The following KTN1 variants were observed in gnomAD, a reference collection of about 807,000 sequenced individuals.
The protein encoded by KTN1 is kinectin.
Under a neutral mutation model 222.5 loss-of-function variants are expected in KTN1, and 130 were observed. That is an observed-to-expected ratio of 0.58 (90% CI 0.51 to 0.68). KTN1 has a LOEUF of 0.68. KTN1 is among the 30% of genes least tolerant of loss of function. KTN1 has a pLI of 0.00. For synonymous variants in KTN1, 512 were observed against 496.3 expected (o/e 1.03, Z -0.42); for missense variants, 1,508 against 1,500.4 (o/e 1.01, Z -0.08).
chr14:55,635,675 A>G (rs1207475356), intron 9 of KTN1, among the ~76,000 whole-genome samples: 1 of 152,236 alleles, frequency 6.6e-6, no homozygotes, highest in Non-Finnish European at 1.5e-5. Flanking sequence ...GAATAGAATG[A>G]TGAGTATAAT....
chr14:55,618,664 G>C (rs2038726872), intron 4 of KTN1, among the ~76,000 whole-genome samples: 1 of 152,158 alleles, frequency 6.6e-6, no homozygotes, highest in African/African-American at 2.4e-5. Flanking sequence ...GGGTGGGTCA[G>C]GAGGTGCTTG....
chr14:55,640,248 T>A, intron 14 of KTN1, 126 bp from the exon 15 acceptor site: 1 of 706,602 alleles, frequency 1.4e-6, no homozygotes. Flanking sequence ...ATTGGTGGTT[T>A]CTCTTGATTA....
At chr14:55,646,523 TCCTTTCCTTTCCTTTCCTTTC>T (rs2042368052) in intron 18 of KTN1, among the ~76,000 whole-genome samples, 1 of 126,926 alleles carries the variant, frequency 7.9e-6, no homozygotes, top group African/African-American at 2.8e-5. Flanking sequence ...TCCTTTCCTT[TCCTTTCCTTTCCTTTCCTTTC>T]CTTCTCTCTT....
intron 5 of KTN1, among the ~76,000 whole-genome samples, chr14:55,624,419 A>G (rs759770873): frequency 1.4e-4 from 22 of 152,272 alleles, no homozygotes; most frequent in South Asian, 2.1e-4. Flanking sequence ...GAGTAACTGG[A>G]TAGATTGTGG....
chr14:55,599,702 T>A (rs2035677751), intron 1 of KTN1, among the ~76,000 whole-genome samples: 1 of 152,096 alleles, frequency 6.6e-6, no homozygotes, highest in African/African-American at 2.4e-5. Context: ...TTCTCGGAAC[T>A]CCTGACCTCA....
chr14:55,621,892 A>T (rs558803742), intron 5 of KTN1, among the ~76,000 whole-genome samples: 6 of 136,666 alleles, frequency 4.4e-5, no homozygotes, highest in African/African-American at 1.7e-4. Flanking sequence ...TCTGTTGCCC[A>T]GGCTGGAGTG....
Position 55,678,358 on chromosome 14 carries a change from C to A in KTN1, c.3862C>A (p.Gln1288Lys). 2 of 1,596,220 alleles carry A rather than the reference C, an allele frequency of 1.3e-6. No individual in the cohort carries two copies. The highest frequency in any genetic ancestry group is 1.7e-6 in the Non-Finnish European group (2 of 1,163,862). The change falls in exon 42 of 44, where the codon CAG becomes AAG. Residue 1288 changes from glutamine (Q) to lysine (K), a missense_variant. Transcript: ENST00000395314. ...KVAGDLHKAQ[Q>K]SLELIQSKIV... is the part of the protein sequence containing the mutation. ...CATATTGTTTTCCTTATAGGCTCAA[C>A]AGTCACTGGAGCTTATCCAGTCAAA...
At chr14:55,629,417 C>CAAAAAAAAAAA (rs58348373) in intron 6 of KTN1, among the ~76,000 whole-genome samples, 1 of 49,148 alleles carries the variant, frequency 2.0e-5, no homozygotes, top group Non-Finnish European at 4.2e-5. Context: ...GACTCCGTCT[C>CAAAAAAAAAAA]AAAAAAAAAA....
rs1240239066 is a variant in KTN1 at position 55,675,489 on chromosome 14, TAAC to T, written c.3772-345_3772-343del. ...ATAGATTAAGAAAGCCTTTAAAAAC[TAAC>T]GGGTAAAGTATCTATTTGGCTTTTA... On this transcript the variant is annotated intron_variant, in intron 40 of 43. Coordinates refer to ENST00000395314, the MANE Select transcript of KTN1 (RefSeq NM_001079521.2). 2.2e-3 allele frequency: 377 copies of T among 173,480 alleles called. 3 individuals are homozygous for T. Among genetic ancestry groups the T allele is most frequent in the African/African-American group, 9.3e-3 (364 of 38,974 alleles). 10.7% of individuals were successfully genotyped at this position (173,480 alleles called of 1,614,324 possible). A position where few individuals can be genotyped will look rare whatever the true frequency, so the allele number is the denominator to read the frequency against.
intron 33 of KTN1, 93 bp downstream of exon 33, chr14:55,664,134 T>G (rs937267382): frequency 4.0e-6 from 3 of 757,676 alleles, no homozygotes; most frequent in Non-Finnish European, 6.5e-6. Context: ...TTTACTGCAA[T>G]TTAAATATAA....
intron 1 of KTN1, among the ~76,000 whole-genome samples, chr14:55,603,477 G>A (rs1057333236): frequency 2.0e-5 from 3 of 152,098 alleles, no homozygotes; most frequent in East Asian, 3.9e-4. Flanking sequence ...AAATTGGTCC[G>A]TCTCTCCTCC....
chr14:55,618,207 T>C, intron 4 of KTN1, 73 bp downstream of exon 4: 1 of 1,095,056 alleles, frequency 9.1e-7, no homozygotes, highest in East Asian at 2.6e-5. Flanking sequence ...GTCATAGATT[T>C]CATTTTCTCA....
chr14:55,663,915 T>A (rs908177128), intron 32 of KTN1, 40 bp from the exon 33 acceptor site: 1 of 1,492,486 alleles, frequency 6.7e-7, no homozygotes, highest in African/African-American at 1.4e-5. Flanking sequence ...AATCTTTCAA[T>A]AATGGATAAA....
chr14:55,627,917 T>C lies in KTN1; in HGVS notation c.969T>C (p.Ser323=). The change falls in exon 6 of 44, where the codon AGT becomes AGC. Residue 323 remains serine (S), a synonymous_variant. Transcript: ENST00000395314. The stretch of plus-strand genomic sequence containing the variant: ...CATTGCTTTCTCAATTGCAGTCAAG[T>C]AAGGGAGAATTGACTACGCTTATAC... ...GVIQDALKKS[S]KGELTTLIHQ... 1 of 1,596,162 alleles carries C rather than the reference T, an allele frequency of 6.3e-7. No homozygotes were observed. Among genetic ancestry groups the C allele is most frequent in the East Asian group, 2.2e-5 (1 of 44,794 alleles).
intron 2 of KTN1, 22 bp downstream of exon 2, chr14:55,612,593 A>G (rs752574180): frequency 2.5e-5 from 38 of 1,527,990 alleles, no homozygotes; most frequent in Non-Finnish European, 3.2e-5. Flanking sequence ...TATTTAATCT[A>G]TTTAATTTTA....
At chr14:55,673,276 T>G in intron 40 of KTN1, 21 bp downstream of exon 40, 2 of 1,525,210 alleles carry the variant, frequency 1.3e-6, no homozygotes, top group East Asian at 2.3e-5. Context: ...TGTCCTCCAC[T>G]GGGTATCAAG....
chr14:55,609,607 T>C (rs1316740661), intron 1 of KTN1, among the ~76,000 whole-genome samples: 1 of 152,226 alleles, frequency 6.6e-6, no homozygotes, highest in African/African-American at 2.4e-5. Flanking sequence ...TCTTGAACAT[T>C]TGCTACTTTT....
At chr14:55,640,251 C>G in intron 14 of KTN1, 123 bp from the exon 15 acceptor site, 1 of 723,438 alleles carries the variant, frequency 1.4e-6, no homozygotes, top group Non-Finnish European at 2.3e-6. Flanking sequence ...GGTGGTTTCT[C>G]TTGATTATTT....
intron 25 of KTN1, 129 bp from the exon 26 acceptor site, chr14:55,652,721 A>C (rs926583078): frequency 1.4e-5 from 9 of 623,958 alleles, no homozygotes; most frequent in Non-Finnish European, 2.6e-5. Context: ...ATACTTGATA[A>C]GTTTTAGTTT....
Sources: allele counts gnomAD v4.1 joint callset (sites outside exome capture counted in the v4.1 genomes callset), GRCh38; gene constraint gnomAD v4.1.1; transcripts MANE v1.5; gene names NCBI Gene and HGNC (gene_info 2026-07-23, HGNC 2026-07-21).